Variants in SLC26A8 observed in about 807,000 individuals in gnomAD.
The protein encoded by SLC26A8 is testis anion transporter 1.
SLC26A8 carries 70 observed loss-of-function variants against 105.0 expected under a neutral mutation model. The ratio of observed to expected loss-of-function variants is 0.67; its 90% CI spans 0.55 to 0.81. SLC26A8 has a LOEUF of 0.81. SLC26A8 is among the 40% of genes least tolerant of loss of function. The pLI, the probability that SLC26A8 is intolerant of heterozygous loss-of-function variation, is 0.00. For synonymous variants in SLC26A8, 415 were observed against 438.3 expected (o/e 0.95, Z 0.66); for missense variants, 998 against 1,181.8 (o/e 0.84, Z 2.28).
chr6:36,013,436 C>T (rs770304955), intron 2 of SLC26A8, among the ~76,000 whole-genome samples: 5 of 152,144 alleles, frequency 3.3e-5, no homozygotes, highest in Non-Finnish European at 7.3e-5. Flanking sequence ...TCGCCTCGGC[C>T]TCCCAAAGTG....
chr6:35,959,787 AC>A lies in SLC26A8; in HGVS notation c.1657del (p.Val553Ter), dbSNP rs1772239447. 6 of 1,607,248 alleles carry A rather than the reference AC, an allele frequency of 3.7e-6. No individual in the cohort carries two copies. The highest frequency in any genetic ancestry group is 5.1e-6 in the Non-Finnish European group (6 of 1,178,484). On this transcript the variant is annotated frameshift_variant, in exon 15 of 20. Transcript: ENST00000490799. LOFTEE classifies it high-confidence loss of function. Reference sequence around the variant, plus strand: ...TGAGCTGCAGCACTGGAAGATTTTCACCCCAGGAATGGTGATGATCTGCAAG... The same window carrying A: ...TGAGCTGCAGCACTGGAAGATTTTCACCCAGGAATGGTGATGATCTGCAAG... ...DYREIITIPGVKIFQCCSSIT... is the reference protein window; with the variant it reads ...DYREIITIPGXKIFQCCSSIT...
intron 19 of SLC26A8, among the ~76,000 whole-genome samples, chr6:35,949,112 C>T (rs1771770945): frequency 6.6e-6 from 1 of 152,008 alleles, no homozygotes; most frequent in South Asian, 2.1e-4. Context: ...TGGCATATAG[C>T]CCAAAATAGT....
intron 10 of SLC26A8, among the ~76,000 whole-genome samples, chr6:35,970,587 C>T (rs1176334592): frequency 1.3e-5 from 2 of 152,118 alleles, no homozygotes; most frequent in Admixed American, 6.6e-5. Context: ...CTTCAGTTGG[C>T]CTTTGCTGAT....
chr6:35,997,735 T>C lies in SLC26A8; in HGVS notation c.627+3A>G. The C allele has an allele frequency of 6.2e-7, 1 of 1,613,880 alleles. No homozygotes were observed. The highest frequency in any genetic ancestry group is 1.1e-5 in the South Asian group (1 of 91,058). ...TTCAGGGATTTGAAGACTCAGATCCTACCTGAATAATCCCAGTCAGAAAAG... is the reference window on the plus strand; with the variant it reads ...TTCAGGGATTTGAAGACTCAGATCCCACCTGAATAATCCCAGTCAGAAAAG... On this transcript the variant is annotated splice_donor_region_variant and intron_variant, in intron 5 of 19. Transcript: ENST00000490799.
At chr6:36,019,959 C>G (rs1762091148) in intron 1 of SLC26A8, among the ~76,000 whole-genome samples, 2 of 152,166 alleles carry the variant, frequency 1.3e-5, no homozygotes, top group Admixed American at 1.3e-4. Context: ...AGGACTAGAA[C>G]CCAGGTGTCC....
chr6:36,011,654 C>A lies in SLC26A8; in HGVS notation c.328+579G>T, dbSNP rs111773269. 4.7e-4 allele frequency among the ~76,000 whole-genome samples: 72 copies of A among 152,242 alleles called. 1 individual carries two copies. Among genetic ancestry groups the A allele is most frequent in the Non-Finnish European group, 7.6e-4 (52 of 68,018 alleles). ...ACAGGGTCTTGCTTTGTTGCCCAGG[C>A]TGGAGTGCAGTGGTGTGATCACTGC... On this transcript the variant is annotated intron_variant, in intron 3 of 19. Transcript: ENST00000490799.
intron 7 of SLC26A8, among the ~76,000 whole-genome samples, chr6:35,984,111 G>A (rs1773390050): frequency 6.6e-6 from 1 of 152,242 alleles, no homozygotes; most frequent in Non-Finnish European, 1.5e-5. Context: ...TGTATAGGTA[G>A]TGTGTTGCAG....
At chr6:36,022,669 T>A (rs1398976616) in intron 1 of SLC26A8, among the ~76,000 whole-genome samples, 1 of 152,098 alleles carries the variant, frequency 6.6e-6, no homozygotes, top group South Asian at 2.1e-4. Context: ...TGGAAAGTTG[T>A]CTTTAAGGAA....
chr6:35,993,216 G>A (rs967519854), intron 5 of SLC26A8, among the ~76,000 whole-genome samples: 38 of 145,638 alleles, frequency 2.6e-4, no homozygotes, highest in African/African-American at 9.3e-4. Context: ...TATTACCTAG[G>A]CTGGTCTCGA....
intron 11 of SLC26A8, among the ~76,000 whole-genome samples, chr6:35,966,314 T>A (rs1459037090): frequency 6.6e-6 from 1 of 152,196 alleles, no homozygotes; most frequent in Non-Finnish European, 1.5e-5. Context: ...TTCCTTCAAT[T>A]TGAAGAAATA....
At chr6:35,956,140 G>A (rs566403433) in intron 16 of SLC26A8, among the ~76,000 whole-genome samples, 3 of 152,146 alleles carry the variant, frequency 2.0e-5, no homozygotes, top group Non-Finnish European at 4.4e-5. Context: ...CAGTGAGCCT[G>A]TAGCCCCACC....
At position 35,961,015 on chromosome 6, in the gene SLC26A8, T is replaced by G; in HGVS notation, c.1546A>C (p.Ile516Leu). The G allele has an allele frequency of 6.2e-7, 1 of 1,614,082 alleles. No individual in the cohort carries two copies. Residue 516 changes from isoleucine to leucine, a missense_variant, in exon 13 of 20, where the codon ATC becomes CTC. Ile to Leu is a conservative substitution (Grantham distance 5). Coordinates refer to ENST00000490799, the MANE Select transcript of SLC26A8 (RefSeq NM_052961.4). ...TACCTGTGTGAACGAACAGTGGTGA[T>G]GAAGAAAGCAGAAACTACTGAGATA... ...LIISVVSAFF[I>L]TTVRSHRAKI...
At chr6:35,986,471 T>G (rs1773529203) in intron 7 of SLC26A8, among the ~76,000 whole-genome samples, 1 of 152,186 alleles carries the variant, frequency 6.6e-6, no homozygotes, top group African/African-American at 2.4e-5. Context: ...AATTGAAATT[T>G]TGTATCCTTT....
chr6:35,968,623 A>G (rs1456254984), intron 11 of SLC26A8, among the ~76,000 whole-genome samples: 1,362 of 82,338 alleles, frequency 0.017, 17 homozygotes, highest in South Asian at 0.031. Context: ...ATATATATAT[A>G]TATATATATA....
chr6:35,968,994 CG>C, intron 10 of SLC26A8, 40 bp from the exon 11 acceptor site: 1 of 1,579,570 alleles, frequency 6.3e-7, no homozygotes, highest in Non-Finnish European at 8.7e-7. Flanking sequence ...CCATCAGGAA[CG>C]TATTGGTCCC....
intron 11 of SLC26A8, 75 bp downstream of exon 11, chr6:35,968,802 C>G: frequency 1.9e-6 from 1 of 524,152 alleles, no homozygotes; most frequent in Non-Finnish European, 2.9e-6. Context: ...CCCCTTACCC[C>G]CCGCACACAC....
At chr6:35,957,938 C>T (rs139944911) in intron 16 of SLC26A8, among the ~76,000 whole-genome samples, 3 of 152,108 alleles carry the variant, frequency 2.0e-5, no homozygotes, top group African/African-American at 7.2e-5. Context: ...CCTCCATCTA[C>T]TCTACGTTCT....
intron 2 of SLC26A8, among the ~76,000 whole-genome samples, chr6:36,016,087 G>A (rs911359780): frequency 5.9e-5 from 9 of 151,616 alleles, no homozygotes; most frequent in Admixed American, 1.3e-4. Flanking sequence ...TCTGCCTCCC[G>A]GATTCAAGCG....
intron 3 of SLC26A8, among the ~76,000 whole-genome samples, chr6:36,007,916 C>T (rs947657310): frequency 2.7e-5 from 4 of 150,526 alleles, no homozygotes; most frequent in Admixed American, 6.6e-5. Flanking sequence ...GTCAGGAAAT[C>T]GAGACCGTCC....
Sources: allele counts gnomAD v4.1 joint callset (sites outside exome capture counted in the v4.1 genomes callset), GRCh38; gene constraint gnomAD v4.1.1; transcripts MANE v1.5; gene names NCBI Gene and HGNC (gene_info 2026-07-23, HGNC 2026-07-21).